CDH1: variants seen among roughly 807,000 people sequenced by gnomAD.
The protein encoded by CDH1 is cadherin-1.
In CDH1, 35 loss-of-function variants were observed where a neutral mutation model predicts 84.5. The ratio of observed to expected loss-of-function variants is 0.41; its 90% CI spans 0.32 to 0.55. The LOEUF is 0.55. Ranked by LOEUF, CDH1 falls within the 20% of genes least tolerant of loss-of-function variation. The probability of loss-of-function intolerance (pLI) is 0.19; values close to 1 mark genes in which losing one functional copy is unlikely to be tolerated. For synonymous variants in CDH1, 417 were observed against 439.0 expected, an observed-to-expected ratio of 0.95 and a Z score of 0.63; for missense variants, 994 against 1,126.6, an observed-to-expected ratio of 0.88 and a Z score of 1.68.
rs545786164 is a variant in CDH1 at position 68,785,670 on chromosome 16, C to T, written c.164-16000C>T. Among the ~76,000 whole-genome samples, 3 of 152,148 alleles carry T rather than the reference C, an allele frequency of 2.0e-5. No homozygotes were observed. The East Asian group carries it at 5.8e-4, about 29-fold the overall frequency. On this transcript the variant is annotated intron_variant, in intron 2 of 15. Transcript: ENST00000261769. Reference sequence around the variant, plus strand: ...TTTAGTTACACAAAAGATAGCACTGCTTTGCACTTGCTTTTATCAGCAAAC... The same window carrying T: ...TTTAGTTACACAAAAGATAGCACTGTTTTGCACTTGCTTTTATCAGCAAAC...
chr16:68,833,480 G>T lies in CDH1; in HGVS notation c.2630G>T (p.Gly877Val), dbSNP rs2152144236. Reference sequence around the variant, plus strand: ...TTCAAGAAGCTGGCTGACATGTACGGAGGCGGCGAGGACGACTAGGGGACT... The same window carrying T: ...TTCAAGAAGCTGGCTGACATGTACGTAGGCGGCGAGGACGACTAGGGGACT... The part of the protein sequence containing the change: ...NRFKKLADMY[G>V]GGEDD Residue 877 changes from glycine to valine, a missense_variant, in exon 16 of 16, where the codon GGA becomes GTA. Gly to Val is a moderately radical substitution (Grantham distance 109). Around this residue, in one of 3 missense-constraint regions of CDH1, gnomAD observed 769 missense variants for 881.8 expected, o/e 0.87. Coordinates refer to ENST00000261769, the MANE Select transcript of CDH1 (RefSeq NM_004360.5). 6.2e-7 allele frequency: 1 copy of T among 1,613,996 alleles called. No individual in the cohort carries two copies. Among genetic ancestry groups the T allele is most frequent in the Non-Finnish European group, 8.5e-7 (1 of 1,179,992 alleles).
rs786201287 is a variant in CDH1 at position 68,737,430 on chromosome 16, C to T, written c.15C>T (p.Ser5=). ...CCCGGCCAGCCATGGGCCCTTGGAGCCGCAGCCTCTCGGCGCTGCTGCTGC... is the reference window on the plus strand; with the variant it reads ...CCCGGCCAGCCATGGGCCCTTGGAGTCGCAGCCTCTCGGCGCTGCTGCTGC... MGPW[S]RSLSALLLLL... Residue 5 remains serine, a synonymous_variant, in exon 1 of 16, where the codon AGC becomes AGT. Transcript: ENST00000261769. 10 of 1,534,668 alleles carry T rather than the reference C, an allele frequency of 6.5e-6. No individual in the cohort carries two copies. The highest frequency in any genetic ancestry group is 7.8e-6 in the Non-Finnish European group (9 of 1,147,062).
At chr16:68,796,639 T>C (rs1960370193) in intron 2 of CDH1, among the ~76,000 whole-genome samples, 1 of 152,148 alleles carries the variant, frequency 6.6e-6, no homozygotes, top group Non-Finnish European at 1.5e-5. Context: ...CTTGGGGTCC[T>C]CTCTTGAAAG....
intron 2 of CDH1, among the ~76,000 whole-genome samples, chr16:68,760,815 G>A (rs534723963): frequency 6.6e-6 from 1 of 152,230 alleles, no homozygotes; most frequent in South Asian, 2.1e-4. Context: ...GTCAGCTGGT[G>A]GAGCTTCCCC....
chr16:68,764,615 A>G (rs1959316472), intron 2 of CDH1, among the ~76,000 whole-genome samples: 1 of 152,216 alleles, frequency 6.6e-6, no homozygotes, highest in South Asian at 2.1e-4. Flanking sequence ...CTCAGGGTCT[A>G]TCAAGACAGG....
At chr16:68,787,779 C>T (rs944031015) in intron 2 of CDH1, among the ~76,000 whole-genome samples, 5 of 151,106 alleles carry the variant, frequency 3.3e-5, no homozygotes, top group Non-Finnish European at 7.4e-5. Flanking sequence ...CCACTTCAGC[C>T]TCCCAAGTAG....
intron 9 of CDH1, among the ~76,000 whole-genome samples, chr16:68,813,965 G>A (rs1349731505): frequency 6.6e-6 from 1 of 151,988 alleles, no homozygotes; most frequent in Non-Finnish European, 1.5e-5. Context: ...GGCCGGGCGT[G>A]GTGGCTCACG....
At chr16:68,825,419 G>C (rs1162031434) in intron 13 of CDH1, among the ~76,000 whole-genome samples, 2 of 152,152 alleles carry the variant, frequency 1.3e-5, no homozygotes, top group Non-Finnish European at 2.9e-5. Context: ...GGGAGCAGTG[G>C]GACCAAATCT....
intron 3 of CDH1, among the ~76,000 whole-genome samples, chr16:68,802,470 T>TTC (rs988972205): frequency 9.9e-5 from 15 of 151,842 alleles, no homozygotes; most frequent in South Asian, 2.1e-4. Context: ...AGCTGGATTC[T>TTC]TCTCTCTCTC....
intron 3 of CDH1, among the ~76,000 whole-genome samples, chr16:68,807,352 G>A (rs36064319): frequency 1.4e-4 from 21 of 152,172 alleles, no homozygotes; most frequent in African/African-American, 1.9e-4. Flanking sequence ...ATAACTCCAC[G>A]TTGAGGACCT....
chr16:68,762,721 C>T (rs34594259), intron 2 of CDH1, among the ~76,000 whole-genome samples: 1,868 of 151,936 alleles, frequency 0.012, 40 homozygotes, highest in African/African-American at 0.04. Flanking sequence ...CCAGCCTGGC[C>T]GACATGGCGA....
intron 2 of CDH1, among the ~76,000 whole-genome samples, chr16:68,777,603 G>C (rs543294796): frequency 6.8e-6 from 1 of 147,036 alleles, no homozygotes; most frequent in Non-Finnish European, 1.5e-5. Context: ...TGCAGTGGTG[G>C]TGCAACCACG....
chr16:68,750,350 G>A (rs542007188), intron 2 of CDH1, among the ~76,000 whole-genome samples: 2 of 151,384 alleles, frequency 1.3e-5, no homozygotes, highest in Admixed American at 6.6e-5. Context: ...CAGGGAAACC[G>A]CCTTAAAGAA....
Position 68,835,052 on chromosome 16 carries a change from A to G in CDH1, c.*1553A>G, listed in dbSNP as rs1211042443. The G allele has an allele frequency of 4.3e-6, 1 of 231,820 alleles. No individual in the cohort carries two copies. The highest frequency in any genetic ancestry group is 2.2e-5 in the African/African-American group (1 of 45,268). 14.4% of individuals were successfully genotyped at this position (231,820 alleles called of 1,614,324 possible). A position where few individuals can be genotyped will look rare whatever the true frequency, so the allele number is the denominator to read the frequency against. ...CAAGTGCCTGCTTTTGATGATGTCT[A>G]CAGAAAATGCTGGCTGAGCTGAACA... is the stretch of plus-strand genomic sequence containing the variant. On this transcript the variant is annotated 3_prime_UTR_variant, in exon 16 of 16. Coordinates refer to ENST00000261769, the MANE Select transcript of CDH1 (RefSeq NM_004360.5).
chr16:68,820,445 G>T (rs1596961912), intron 11 of CDH1, among the ~76,000 whole-genome samples: 1 of 151,332 alleles, frequency 6.6e-6, no homozygotes, highest in East Asian at 2.0e-4. Flanking sequence ...CCGCCTCCCA[G>T]GTTCAAGCAA....
rs530984037 is a variant in CDH1, at chr16:68,800,487, G to A, written c.164-1183G>A. Among the ~76,000 whole-genome samples the A allele has an allele frequency of 9.2e-5, 14 of 152,346 alleles. No individual in the cohort carries two copies. The East Asian group carries it at 2.3e-3, about 25-fold the overall frequency. On this transcript the variant is annotated intron_variant, in intron 2 of 15. Transcript: ENST00000261769. The stretch of plus-strand genomic sequence containing the variant: ...AAGAAATGAAAACTGCTGCCTAGGC[G>A]TCAGGGATGGCTTCAAGGGCTTTCT...
intron 2 of CDH1, among the ~76,000 whole-genome samples, chr16:68,745,895 G>A (rs1403999385): frequency 6.6e-6 from 1 of 152,106 alleles, no homozygotes; most frequent in Non-Finnish European, 1.5e-5. Context: ...TCAGTTCACT[G>A]CAACCTCCGC....
Position 68,835,208 on chromosome 16 carries a change from A to T in CDH1, c.*1709A>T, listed in dbSNP as rs1479183912. 8.7e-6 allele frequency: 2 copies of T among 230,736 alleles called. No individual in the cohort carries two copies. Among genetic ancestry groups the T allele is most frequent in the South Asian group, 3.6e-4 (2 of 5,494 alleles). The allele number at this position is 230,736 out of a possible 1,614,324, so 14.3% of individuals were successfully genotyped here. On this transcript the variant is annotated 3_prime_UTR_variant, in exon 16 of 16. Transcript: ENST00000261769. ...GGGGTAGGGGGTAGTGAGGATCTTG[A>T]TTTGGATCTCTTTTTATTTAAATGT... is the stretch of plus-strand genomic sequence containing the variant.
At position 68,810,878 on chromosome 16, in the gene CDH1, AT is replaced by A. The variant is rs573904299; in HGVS notation, c.832+546del. On this transcript the variant is annotated intron_variant, in intron 6 of 15. Transcript: ENST00000261769. ...CAGACTCCGTCTCAAAAAAAAAAAA[AT>A]TTTTTTTTCAGAGACAGGGTCTTGC... Among the ~76,000 whole-genome samples the A allele has an allele frequency of 3.9e-3, 592 of 150,684 alleles. 3 individuals are homozygous for A. Among genetic ancestry groups the A allele is most frequent in the African/African-American group, 0.014 (582 of 41,068 alleles).
Sources: gnomAD v4.1 joint callset for allele counts (sites outside exome capture counted in the v4.1 genomes callset) on GRCh38, gnomAD v4.1.1 for gene constraint, gnomAD v4.1.1 regional missense constraint, MANE v1.5 for transcripts, NCBI Gene and HGNC (gene_info 2026-07-23, HGNC 2026-07-21) for gene names.